The following ARHGAP30 variants were observed in gnomAD, a reference collection of about 807,000 sequenced individuals.
ARHGAP30 encodes Rho GTPase activating protein 30, also known as rho GTPase-activating protein 30.
In ARHGAP30, 23 loss-of-function variants were observed where a neutral mutation model predicts 72.0. The ratio of observed to expected loss-of-function variants is 0.32; its 90% CI spans 0.23 to 0.45. The LOEUF (loss-of-function observed/expected upper bound fraction) is 0.45, where lower values mean the gene tolerates loss of function less well. Ranked by LOEUF, ARHGAP30 falls within the 20% of genes least tolerant of loss-of-function variation. The pLI, the probability that ARHGAP30 is intolerant of heterozygous loss-of-function variation, is 1.00. For missense variants in ARHGAP30, 1,319 were observed against 1,383.4 expected (o/e 0.95, Z 0.74); for synonymous variants, 576 against 528.2 (o/e 1.09, Z -1.24).
rs577588857 is a variant in ARHGAP30 at position 161,063,276 on chromosome 1, C to T, written c.98-3560G>A. On this transcript the variant is annotated intron_variant, in intron 1 of 11. Transcript: ENST00000368013. ...GAAATTGTTGTGGGAAGTCAGGGAC[C>T]CCAAATGGAGGGACCGGCTGAAGCC... Among the ~76,000 whole-genome samples, 7 of 152,274 alleles carry T rather than the reference C, an allele frequency of 4.6e-5. No homozygotes were observed. In the South Asian group the frequency reaches 1.2e-3, roughly 27 times the overall value.
intron 6 of ARHGAP30, 190 bp from the exon 7 acceptor site, chr1:161,052,987 A>C: frequency 1.1e-6 from 1 of 909,830 alleles, no homozygotes; most frequent in Non-Finnish European, 1.6e-6. Context: ...AGATCCGAGA[A>C]CGTTGGCCTG....
Position 161,069,800 on chromosome 1 carries a change from C to T in ARHGAP30, c.-176G>A. The T allele has an allele frequency of 4.8e-6, 3 of 620,992 alleles. No homozygotes were observed. The highest frequency in any genetic ancestry group is 1.8e-5 in the African/African-American group (1 of 54,242). The allele number at this position is 620,992 out of a possible 1,614,324, so 38.5% of individuals were successfully genotyped here. ...CGGGCAGCAGCTCCTGCCCCTGGGG[C>T]CCCGGCCACACGGAAGTGGCTGTTG... is the stretch of plus-strand genomic sequence containing the variant. On this transcript the variant is annotated 5_prime_UTR_variant, in exon 1 of 12. Coordinates refer to ENST00000368013, the MANE Select transcript of ARHGAP30 (RefSeq NM_001025598.2). This position sits in a 1 kb window ranked among gnomAD's most constrained non-coding sequence, Gnocchi z 4.9.
intron 1 of ARHGAP30, among the ~76,000 whole-genome samples, chr1:161,067,360 C>T (rs1292402071): frequency 2.6e-5 from 4 of 152,034 alleles, no homozygotes; most frequent in Admixed American, 2.6e-4. Flanking sequence ...ATCATGAGGT[C>T]AGTGTTCGAG....
chr1:161,051,562 G>C lies in ARHGAP30; in HGVS notation c.1172C>G (p.Ala391Gly). ...GTNSEPGTPR[A>G]GRSAIRAGGS... ...CCCAGCCCGGATGGCTGACCGCCCAGCTCGTGGTGTGCCTGGTTCAGAGTT... is the reference window on the plus strand; with the variant it reads ...CCCAGCCCGGATGGCTGACCGCCCACCTCGTGGTGTGCCTGGTTCAGAGTT... Residue 391 changes from alanine (A) to glycine (G), a missense_variant, in exon 10 of 12, where the codon GCT (alanine) becomes GGT (glycine). By Grantham distance (60) the Ala-to-Gly change is moderately conservative. Coordinates refer to ENST00000368013, the MANE Select transcript of ARHGAP30 (RefSeq NM_001025598.2). 1 of 1,614,106 alleles carries C rather than the reference G, an allele frequency of 6.2e-7. No individual in the cohort carries two copies. The highest frequency in any genetic ancestry group is 8.5e-7 in the Non-Finnish European group (1 of 1,180,042).
chr1:161,059,602 T>C lies in ARHGAP30; in HGVS notation c.200+12A>G. The C allele has an allele frequency of 6.2e-7, 1 of 1,609,720 alleles. No individual in the cohort carries two copies. ...TCCTGGTCACAGAGCCCTCCCACTC[T>C]GTTTGACTCACCGAAGCTTCTGGAT... On this transcript the variant is annotated intron_variant, in intron 2 of 11. Transcript: ENST00000368013.
At chr1:161,051,020 A>G (rs767208297) in intron 10 of ARHGAP30, among the ~76,000 whole-genome samples, 7 of 152,228 alleles carry the variant, frequency 4.6e-5, no homozygotes, top group African/African-American at 7.2e-5. Flanking sequence ...TCTATTATAT[A>G]TTCCCACATT....
chr1:161,065,729 G>A (rs1440805513), intron 1 of ARHGAP30, among the ~76,000 whole-genome samples: 1 of 151,526 alleles, frequency 6.6e-6, no homozygotes, highest in African/African-American at 2.4e-5. Flanking sequence ...ACTCTGCCCG[G>A]CTAATTTTTA....
rs146313130 is a variant in ARHGAP30 at position 161,062,615 on chromosome 1, GCTA to G, written c.98-2902_98-2900del. 5.5e-3 allele frequency among the ~76,000 whole-genome samples: 832 copies of G among 151,904 alleles called. 6 individuals carry two copies. Among genetic ancestry groups the G allele is most frequent in the African/African-American group, 0.019 (799 of 41,472 alleles). On this transcript the variant is annotated intron_variant, in intron 1 of 11. Coordinates refer to ENST00000368013, the MANE Select transcript of ARHGAP30 (RefSeq NM_001025598.2). The stretch of plus-strand genomic sequence containing the variant: ...GTGGTGGCATGTGTCTGTAGTCCCA[GCTA>G]CTTGGGTGGCTGAGGCAGAAGAATT...
In ARHGAP30 at chr1:161,051,308, C is replaced by T. The variant is rs768946637; in HGVS notation, c.1420+6G>A. 6.3e-7 allele frequency: 1 copy of T among 1,587,210 alleles called. No homozygotes were observed. The highest frequency in any genetic ancestry group is 1.2e-5 in the South Asian group (1 of 86,530). ...TCCTAGTCTTGGTCAATCAATGGGT[C>T]CTCACCTGGGGGGCCAGGGCCAAGG... is the stretch of plus-strand genomic sequence containing the variant. On this transcript the variant is annotated splice_donor_region_variant and intron_variant, in intron 10 of 11. Coordinates refer to ENST00000368013, the MANE Select transcript of ARHGAP30 (RefSeq NM_001025598.2).
intron 2 of ARHGAP30, among the ~76,000 whole-genome samples, chr1:161,056,962 G>A (rs1363441224): frequency 6.6e-6 from 1 of 152,014 alleles, no homozygotes; most frequent in African/African-American, 2.4e-5. Flanking sequence ...GATACTAAAA[G>A]CACAAGCAAA....
In ARHGAP30 at chr1:161,048,209, G is replaced by A. The variant is rs1229374720; in HGVS notation, c.2812C>T (p.Pro938Ser). The A allele has an allele frequency of 1.2e-6, 2 of 1,614,014 alleles. No homozygotes were observed. Among genetic ancestry groups the A allele is most frequent in the Non-Finnish European group, 8.5e-7 (1 of 1,180,028 alleles). The change falls in exon 12 of 12, where the codon CCT (proline) becomes TCT (serine). Residue 938 changes from proline (P) to serine (S), a missense_variant. This residue lies in a region of ARHGAP30 where 1,097 missense variants were observed against 1,045.2 expected (regional missense o/e 1.05). Transcript: ENST00000368013. ...LVQVQQVRSV[P>S]VVPPKPQFAK... ...AACTGTGGCTTGGGGGGCACCACAG[G>A]CACAGAGCGGACCTGTTGGACCTGA...
chr1:161,056,837 T>G (rs1198111393), intron 2 of ARHGAP30, among the ~76,000 whole-genome samples: 1 of 152,182 alleles, frequency 6.6e-6, no homozygotes, highest in Non-Finnish European at 1.5e-5. Context: ...CAGTAGGGTA[T>G]GGTCCTAAAT....
At chr1:161,063,254 ATTG>A (rs761375286) in intron 1 of ARHGAP30, among the ~76,000 whole-genome samples, 15 of 152,244 alleles carry the variant, frequency 9.9e-5, no homozygotes, top group Non-Finnish European at 1.9e-4. Context: ...TGTTTGTGAA[ATTG>A]TTGTGGGAAG....
rs1650969742 is a variant in ARHGAP30, at chr1:161,047,798, C to T, written c.3223G>A (p.Val1075Ile). 3 of 1,600,902 alleles carry T rather than the reference C, an allele frequency of 1.9e-6. No homozygotes were observed. Among genetic ancestry groups the T allele is most frequent in the African/African-American group, 1.3e-5 (1 of 74,202 alleles). Residue 1075 changes from valine to isoleucine, a missense_variant, in exon 12 of 12, where the codon GTT becomes ATT. Physicochemically the swap from Val to Ile is conservative, Grantham distance 29. This residue lies in a region of ARHGAP30 where 1,097 missense variants were observed against 1,045.2 expected (regional missense o/e 1.05). Coordinates refer to ENST00000368013, the MANE Select transcript of ARHGAP30 (RefSeq NM_001025598.2). ...RLSLPPREPQ[V>I]PDPLLSSQRR... is the part of the protein sequence containing the mutation. Reference sequence around the variant, plus strand: ...TGAGAGGACAACAGGGGGTCAGGAACCTGGGGTTCTCTGGGGGGCAGACTA... The same window carrying T: ...TGAGAGGACAACAGGGGGTCAGGAATCTGGGGTTCTCTGGGGGGCAGACTA...
In ARHGAP30 at chr1:161,047,784, C is replaced by G. The variant is rs1557911904; in HGVS notation, c.3237G>C (p.Leu1079=). 6.3e-7 allele frequency: 1 copy of G among 1,592,118 alleles called. No homozygotes were observed. The highest frequency in any genetic ancestry group is 2.2e-5 in the East Asian group (1 of 44,798). The change falls in exon 12 of 12, where the codon CTG becomes CTC. Residue 1079 remains leucine, a synonymous_variant. Transcript: ENST00000368013. ...CATATGACCTGCGCTGAGAGGACAACAGGGGGTCAGGAACCTGGGGTTCTC... is the reference window on the plus strand; with the variant it reads ...CATATGACCTGCGCTGAGAGGACAAGAGGGGGTCAGGAACCTGGGGTTCTC... The part of the protein sequence containing the change: ...PPREPQVPDP[L]LSSQRRSYAF...
Position 161,055,833 on chromosome 1 carries a change from AAAATAAAATAAATAAAATAAAAT to A in ARHGAP30, c.345+532_345+554del, listed in dbSNP as rs1651792476. On this transcript the variant is annotated intron_variant, in intron 3 of 11. Coordinates refer to ENST00000368013, the MANE Select transcript of ARHGAP30 (RefSeq NM_001025598.2). Reference sequence around the variant, plus strand: ...AAAATAAAATAAAATAAAATAAAATAAAATAAAATAAATAAAATAAAATAAATAAAATAAAATAAAATAAAATA... The same window carrying A: ...AAAATAAAATAAAATAAAATAAAATAAAATAAAATAAAATAAAATAAAATA... Among the ~76,000 whole-genome samples the A allele has an allele frequency of 2.2e-4, 7 of 31,144 alleles. 1 individual carries two copies. The highest frequency in any genetic ancestry group is 4.9e-4 in the African/African-American group (7 of 14,376). 20.4% of individuals were successfully genotyped at this position (31,144 alleles called of 152,430 possible). A position where few individuals can be genotyped will look rare whatever the true frequency, so the allele number is the denominator to read the frequency against.
rs140780168 is a variant in ARHGAP30 at position 161,052,761 on chromosome 1, C to T, written c.701G>A (p.Gly234Glu). The stretch of plus-strand genomic sequence containing the variant: ...CTCGGGGCTGCCTGATGCCCGGGTC[C>T]CTGGAAGCGATCGCCACCCACTCTC... ...EVESGWRSLP[G>E]TRASGSPEDL... Residue 234 changes from glycine (G) to glutamate (E), a missense_variant, in exon 7 of 12, where the codon GGG becomes GAG. Gly to Glu is a moderately conservative substitution (Grantham distance 98). Coordinates refer to ENST00000368013, the MANE Select transcript of ARHGAP30 (RefSeq NM_001025598.2). 8 of 1,611,618 alleles carry T rather than the reference C, an allele frequency of 5.0e-6. No individual in the cohort carries two copies. The African/African-American group carries it at 1.1e-4, about 22-fold the overall frequency.
At position 161,069,735 on chromosome 1, in the gene ARHGAP30, G is replaced by A; in HGVS notation, c.-111C>T. On this transcript the variant is annotated 5_prime_UTR_variant, in exon 1 of 12. Coordinates refer to ENST00000368013, the MANE Select transcript of ARHGAP30 (RefSeq NM_001025598.2). The surrounding 1 kb of genome is among the most constrained non-coding windows in gnomAD (Gnocchi z 4.9). ...GCTGGGCTTGGCCCGGCCCCAGGGG[G>A]GCAGGGCTCCCAATTGGGGGTGGAG... 2 of 1,232,542 alleles carry A rather than the reference G, an allele frequency of 1.6e-6. No homozygotes were observed. The highest frequency in any genetic ancestry group is 2.3e-6 in the Non-Finnish European group (2 of 874,436). The allele number at this position is 1,232,542 out of a possible 1,614,324, so 76.4% of individuals were successfully genotyped here.
At chr1:161,053,529 A>T in intron 5 of ARHGAP30, 144 bp from the exon 6 acceptor site, 1 of 1,058,770 alleles carries the variant, frequency 9.4e-7, no homozygotes, top group Non-Finnish European at 1.3e-6. Flanking sequence ...CCCCTTCTCT[A>T]CCTCTTAAAT....
Sources: gnomAD v4.1 joint callset for allele counts (sites outside exome capture counted in the v4.1 genomes callset) on GRCh38, gnomAD v4.1.1 for gene constraint, gnomAD v4.1.1 regional missense constraint, Gnocchi (gnomAD v3.1) non-coding constraint, MANE v1.5 for transcripts, NCBI Gene and HGNC (gene_info 2026-07-23, HGNC 2026-07-21) for gene names.